Variants in USF3 observed in about 807,000 individuals in gnomAD.
The protein encoded by USF3 is upstream transcription factor family member 3.
In USF3, 29 loss-of-function variants were observed where a neutral mutation model predicts 157.5. That is an observed-to-expected ratio of 0.18 (90% confidence interval 0.14 to 0.25). The LOEUF (loss-of-function observed/expected upper bound fraction) is 0.25, where lower values mean the gene tolerates loss of function less well. USF3 is among the 10% of genes least tolerant of loss of function. USF3 has a pLI of 1.00. For synonymous variants in USF3, 893 were observed against 941.4 expected (o/e 0.95, Z 0.94); for missense variants, 2,381 against 2,667.6 (o/e 0.89, Z 2.37).
At chr3:113,674,064 A>C (rs1464576715) in intron 3 of USF3, among the ~76,000 whole-genome samples, 6 of 152,250 alleles carry the variant, frequency 3.9e-5, no homozygotes, top group African/African-American at 1.2e-4. Flanking sequence ...AATTCTAAGC[A>C]GAAACATTGC....
In USF3 at chr3:113,652,365, C is replaced by T. The variant is rs984532795; in HGVS notation, c.*2579G>A. 8.6e-5 allele frequency: 13 copies of T among 151,946 alleles called. No homozygotes were observed. The highest frequency in any genetic ancestry group is 4.4e-5 in the Non-Finnish European group (3 of 67,996). The allele number at this position is 151,946 out of a possible 1,614,324, so 9.4% of individuals were successfully genotyped here. Reference sequence around the variant, plus strand: ...ATTTTTCCTCAATAAAAAGTTTTGACTACTGTGTTTATCTGTTGTCTTGAG... The same window carrying T: ...ATTTTTCCTCAATAAAAAGTTTTGATTACTGTGTTTATCTGTTGTCTTGAG... On this transcript the variant is annotated 3_prime_UTR_variant, in exon 7 of 7. Transcript: ENST00000316407.
At chr3:113,670,323 G>C in intron 4 of USF3, 120 bp from the exon 5 acceptor site, 1 of 682,242 alleles carries the variant, frequency 1.5e-6, no homozygotes, top group Non-Finnish European at 2.6e-6. Context: ...CAATGGCCAG[G>C]CGTGATGGTT....
At chr3:113,672,396 G>A (rs1208364348) in intron 4 of USF3, among the ~76,000 whole-genome samples, 4 of 151,704 alleles carry the variant, frequency 2.6e-5, no homozygotes, top group East Asian at 3.9e-4. Context: ...CAAGTGCTGG[G>A]ATTACAGGCA....
chr3:113,695,676 C>G (rs1707781934), intron 1 of USF3, among the ~76,000 whole-genome samples: 1 of 152,194 alleles, frequency 6.6e-6, no homozygotes, highest in African/African-American at 2.4e-5. Context: ...GACCATATCC[C>G]AATGTAACGA....
chr3:113,658,191 G>C lies in USF3; in HGVS notation c.3491C>G (p.Pro1164Arg). Residue 1164 changes from proline to arginine, a missense_variant, in exon 7 of 7, where the codon CCT becomes CGT. Physicochemically the swap from Pro to Arg is moderately radical, Grantham distance 103. Around this residue, in one of 6 missense-constraint regions of USF3, gnomAD observed 1,435 missense variants for 1,550.9 expected, o/e 0.93. Coordinates refer to ENST00000316407, the MANE Select transcript of USF3 (RefSeq NM_001009899.4). The part of the protein sequence containing the change: ...QADIREVASK[P>R]SEASLLEGDP... Reference sequence around the variant, plus strand: ...TCCCTCTAACAATGATGCTTCAGAAGGCTTTGAAGCAACTTCCCTTATATC... The same window carrying C: ...TCCCTCTAACAATGATGCTTCAGAACGCTTTGAAGCAACTTCCCTTATATC... The C allele has an allele frequency of 6.2e-7, 1 of 1,614,086 alleles. No homozygotes were observed. Among genetic ancestry groups the C allele is most frequent in the Non-Finnish European group, 8.5e-7 (1 of 1,180,014 alleles).
rs397875878 is a variant in USF3 at position 113,653,604 on chromosome 3, TA to T, written c.*1339del. ...GGCAACAGAGCCAGACTCCATCTATTAAAAAAAAAAAAAAAAAAAAAACCCT... is the reference window on the plus strand; with the variant it reads ...GGCAACAGAGCCAGACTCCATCTATTAAAAAAAAAAAAAAAAAAAAACCCT... On this transcript the variant is annotated 3_prime_UTR_variant, in exon 7 of 7. Coordinates refer to ENST00000316407, the MANE Select transcript of USF3 (RefSeq NM_001009899.4). 0.024 allele frequency: 2,570 copies of T among 107,096 alleles called. 33 individuals are homozygous for T. Among genetic ancestry groups the T allele is most frequent in the Admixed American group, 0.056 (560 of 9,918 alleles). 6.6% of individuals were successfully genotyped at this position (107,096 alleles called of 1,614,324 possible). A position where few individuals can be genotyped will look rare whatever the true frequency, so the allele number is the denominator to read the frequency against.
chr3:113,675,019 T>C lies in USF3; in HGVS notation c.-18-123A>G, dbSNP rs542233267. ...AAAATAAAATTGACATTGAAAAGCA[T>C]TGGATTAGGTGTTGCAGATAGAAAG... On this transcript the variant is annotated intron_variant, in intron 2 of 6. Coordinates refer to ENST00000316407, the MANE Select transcript of USF3 (RefSeq NM_001009899.4). The C allele has an allele frequency of 6.6e-5, 45 of 679,962 alleles. 2 individuals are homozygous for C. Among genetic ancestry groups the C allele is most frequent in the South Asian group, 5.7e-4 (35 of 61,942 alleles). 42.1% of individuals were successfully genotyped at this position (679,962 alleles called of 1,614,324 possible).
At chr3:113,677,599 C>T (rs943659879) in intron 1 of USF3, among the ~76,000 whole-genome samples, 6 of 152,122 alleles carry the variant, frequency 3.9e-5, no homozygotes, top group African/African-American at 1.4e-4. Context: ...TGCTCCATCC[C>T]GACAAAGATG....
rs149315682 is a variant in USF3 at position 113,659,625 on chromosome 3, G to C, written c.2057C>G (p.Thr686Ser). 1 of 1,614,214 alleles carries C rather than the reference G, an allele frequency of 6.2e-7. No homozygotes were observed. Among genetic ancestry groups the C allele is most frequent in the Non-Finnish European group, 8.5e-7 (1 of 1,180,016 alleles). Residue 686 changes from threonine to serine, a missense_variant, in exon 7 of 7, where the codon ACC becomes AGC. This residue lies in a region of USF3 where 1,435 missense variants were observed against 1,550.9 expected (regional missense o/e 0.93). Transcript: ENST00000316407. ...GGTGGGTTGAATAATTTGCATAGGG[G>C]TTTGATTTGTAGTTCCTGATGAAGA... ...VMSSSGTTNQ[T>S]PMQIIQPTTS...
At chr3:113,674,433 C>G (rs1485235596) in intron 3 of USF3, among the ~76,000 whole-genome samples, 1 of 152,008 alleles carries the variant, frequency 6.6e-6, no homozygotes, top group Non-Finnish European at 1.5e-5. Flanking sequence ...ACCTCTGCCT[C>G]CCAGGTTCAA....
rs1707239432 is a variant in USF3 at position 113,674,761 on chromosome 3, G to A, written c.47+71C>T. ...TAAAAGTTCTCTAAGGACTACCTAT[G>A]TAGCAAAATAGGAACTAATTCTGCT... On this transcript the variant is annotated intron_variant, in intron 3 of 6. Transcript: ENST00000316407. The A allele has an allele frequency of 3.2e-6, 4 of 1,233,304 alleles. No homozygotes were observed. The East Asian group carries it at 7.0e-5, about 21-fold the overall frequency. 76.4% of individuals were successfully genotyped at this position (1,233,304 alleles called of 1,614,324 possible).
Position 113,656,797 on chromosome 3 carries a change from T to C in USF3, c.4885A>G (p.Arg1629Gly), listed in dbSNP as rs1157509879. ...EHVSGHNPMQRLLTSRGLEQQ... is the reference protein window; with the variant it reads ...EHVSGHNPMQGLLTSRGLEQQ... Reference sequence around the variant, plus strand: ...TCTAAGCCTCTTGATGTCAAAAGCCTCTGCATTGGATTATGGCCAGATACA... The same window carrying C: ...TCTAAGCCTCTTGATGTCAAAAGCCCCTGCATTGGATTATGGCCAGATACA... Residue 1629 changes from arginine to glycine, a missense_variant, in exon 7 of 7, where the codon AGG becomes GGG. Arg to Gly is a moderately radical substitution (Grantham distance 125). Around this residue, in one of 6 missense-constraint regions of USF3, gnomAD observed 770 missense variants for 824.2 expected, o/e 0.93. Coordinates refer to ENST00000316407, the MANE Select transcript of USF3 (RefSeq NM_001009899.4). The C allele has an allele frequency of 1.2e-6, 2 of 1,614,116 alleles. No homozygotes were observed. Among genetic ancestry groups the C allele is most frequent in the East Asian group, 4.5e-5 (2 of 44,900 alleles).
rs1266406074 is a variant in USF3, at chr3:113,653,115, G to A, written c.*1829C>T. On this transcript the variant is annotated 3_prime_UTR_variant, in exon 7 of 7. Coordinates refer to ENST00000316407, the MANE Select transcript of USF3 (RefSeq NM_001009899.4). The stretch of plus-strand genomic sequence containing the variant: ...GTCCTTGAGTTCACTTTGTTAACAA[G>A]GCAGATAAAACAATTTCTATGCATC... 1 of 198,524 alleles carries A rather than the reference G, an allele frequency of 5.0e-6. No individual in the cohort carries two copies. Among genetic ancestry groups the A allele is most frequent in the African/African-American group, 2.4e-5 (1 of 42,450 alleles). 12.3% of individuals were successfully genotyped at this position (198,524 alleles called of 1,614,324 possible).
At chr3:113,685,073 G>A (rs1707517723) in intron 1 of USF3, among the ~76,000 whole-genome samples, 1 of 152,072 alleles carries the variant, frequency 6.6e-6, no homozygotes, top group Non-Finnish European at 1.5e-5. Context: ...GTGCATTAGG[G>A]GGCACTCCCA....
Position 113,654,986 on chromosome 3 carries a change from G to A in USF3, c.6696C>T (p.Asn2232=), listed in dbSNP as rs778542745. ...SKQSSNRPAH[N]ISHILGHDCS... ...AATCATGACCTAGAATATGGCTTAT[G>A]TTATGGGCAGGTCTGTTTGAGGACT... Residue 2232 remains asparagine, a synonymous_variant, in exon 7 of 7, where the codon AAC becomes AAT. Transcript: ENST00000316407. The A allele has an allele frequency of 6.2e-7, 1 of 1,613,884 alleles. No homozygotes were observed. The highest frequency in any genetic ancestry group is 1.3e-5 in the African/African-American group (1 of 74,942).
intron 1 of USF3, among the ~76,000 whole-genome samples, chr3:113,682,600 CTT>C (rs1421605677): frequency 6.6e-6 from 1 of 152,120 alleles, no homozygotes; most frequent in East Asian, 1.9e-4. Flanking sequence ...GTCTATCTCT[CTT>C]TGATATAGTA....
chr3:113,693,425 C>T (rs1242668846), intron 1 of USF3, among the ~76,000 whole-genome samples: 5 of 151,670 alleles, frequency 3.3e-5, no homozygotes, highest in Admixed American at 1.3e-4. Flanking sequence ...TACGGGGCCA[C>T]GGAAGATAAA....
intron 5 of USF3, among the ~76,000 whole-genome samples, chr3:113,664,648 G>A (rs1947536250): frequency 6.6e-6 from 1 of 152,122 alleles, no homozygotes; most frequent in Non-Finnish European, 1.5e-5. Context: ...AACAAACAAA[G>A]TCCCTGTCCT....
intron 1 of USF3, among the ~76,000 whole-genome samples, chr3:113,688,762 T>G (rs58929900): frequency 0.028 from 4,315 of 152,254 alleles, 166 homozygotes; most frequent in African/African-American, 0.082. Flanking sequence ...AGATGCTGGC[T>G]GGGCGCGGTG....
Sources: gnomAD v4.1 joint callset for allele counts (sites outside exome capture counted in the v4.1 genomes callset) on GRCh38, gnomAD v4.1.1 for gene constraint, gnomAD v4.1.1 regional missense constraint, MANE v1.5 for transcripts, NCBI Gene and HGNC (gene_info 2026-07-23, HGNC 2026-07-21) for gene names.